FAAH2: variants seen among roughly 807,000 people sequenced by gnomAD.
The protein encoded by FAAH2 is fatty acid amide hydrolase 2.
FAAH2 carries 60 observed loss-of-function variants against 36.9 expected under a neutral mutation model. That is an observed-to-expected ratio of 1.63 (90% CI 1.32 to 2.02). FAAH2 has a LOEUF of 2.02. FAAH2 is among the 30% of genes most tolerant of loss of function. The pLI, the probability that FAAH2 is intolerant of heterozygous loss-of-function variation, is 0.00. For synonymous variants in FAAH2, 214 were observed against 143.8 expected (o/e 1.49, Z -3.49); for missense variants, 689 against 397.5 (o/e 1.73, Z -6.23).
At chrX:57,234,901 G>T in the FAAH2 span, among the ~76,000 whole-genome samples, 1 of 111,508 alleles carries the variant, frequency 9.0e-6, no homozygotes, top group African/African-American at 3.3e-5. Flanking sequence ...AACCGAGCAT[G>T]GTGGTGCACC....
chrX:57,319,816 A>G (rs2052962688), intron 3 of FAAH2, among the ~76,000 whole-genome samples: 1 of 111,980 alleles, frequency 8.9e-6, no homozygotes, highest in Admixed American at 9.5e-5. Flanking sequence ...GTGGAACCAA[A>G]ACAGAGATAT....
At chrX:57,276,425 C>T in the FAAH2 span, among the ~76,000 whole-genome samples, 15 of 111,514 alleles carry the variant, frequency 1.3e-4, no homozygotes, top group Non-Finnish European at 1.9e-4. Context: ...TTTAAAGCAG[C>T]GTGTAGAGGG....
At chrX:57,228,460 T>C in the FAAH2 span, among the ~76,000 whole-genome samples, 1 of 111,401 alleles carries the variant, frequency 9.0e-6, no homozygotes, top group East Asian at 2.8e-4. Flanking sequence ...GGGTCTCCCT[T>C]TTCCACTTCC....
chrX:57,427,677 C>T (rs1005548827), intron 7 of FAAH2, among the ~76,000 whole-genome samples: 1 of 111,249 alleles, frequency 9.0e-6, no homozygotes, highest in African/African-American at 3.3e-5. Context: ...TCCATAGATG[C>T]AGAAAAAAAT....
At chrX:57,219,863 CTTTT>C in the FAAH2 span, among the ~76,000 whole-genome samples, 4 of 35,636 alleles carry the variant, frequency 1.1e-4, no homozygotes, top group African/African-American at 3.4e-4. Flanking sequence ...AGCGCCTTGT[CTTTT>C]TTTTTTTTTT....
At chrX:57,228,913 A>T in the FAAH2 span, 2 of 109,141 alleles carry the variant, frequency 1.8e-5, no homozygotes, top group East Asian at 2.9e-4. Context: ...AACCTAAAGC[A>T]AAAAAAACAG....
At chrX:57,143,652 A>AT in the FAAH2 span, among the ~76,000 whole-genome samples, 1 of 109,974 alleles carries the variant, frequency 9.1e-6, no homozygotes, top group Non-Finnish European at 1.9e-5. Context: ...ATTTCTTTGT[A>AT]TTTTTGGTAG....
At chrX:57,416,657 A>T (rs182821344) in intron 7 of FAAH2, among the ~76,000 whole-genome samples, 1 of 111,645 alleles carries the variant, frequency 9.0e-6, no homozygotes, top group East Asian at 2.8e-4. Context: ...GCTGCCCTTA[A>T]CATTTTTTCC....
the FAAH2 span, among the ~76,000 whole-genome samples, chrX:57,254,728 A>G: frequency 2.0e-3 from 224 of 112,137 alleles, no homozygotes; most frequent in Non-Finnish European, 3.9e-3. Flanking sequence ...GAAACCAATG[A>G]GAACAAAGAC....
intron 7 of FAAH2, among the ~76,000 whole-genome samples, chrX:57,392,141 T>G (rs1369788978): frequency 8.9e-6 from 1 of 111,913 alleles, no homozygotes; most frequent in Non-Finnish European, 1.9e-5. Flanking sequence ...GAAATGCTAC[T>G]GACTTTATTT....
intron 7 of FAAH2, among the ~76,000 whole-genome samples, chrX:57,408,907 T>C (rs989297706): frequency 9.0e-6 from 1 of 111,641 alleles, no homozygotes; most frequent in African/African-American, 3.2e-5. Context: ...CCCTTAACTA[T>C]GGGATACATT....
intron 3 of FAAH2, among the ~76,000 whole-genome samples, chrX:57,330,060 G>A (rs775542134): frequency 4.5e-5 from 5 of 111,700 alleles, no homozygotes; most frequent in Non-Finnish European, 9.4e-5. Context: ...TGTAGAGCAT[G>A]TGTGTTTGAA....
chrX:57,450,608 C>A (rs1188484024), intron 10 of FAAH2, among the ~76,000 whole-genome samples: 1 of 111,125 alleles, frequency 9.0e-6, no homozygotes. Context: ...ATGTTTTATT[C>A]CTGGTTCTTT....
In FAAH2 at chrX:57,317,557, C is replaced by T. The variant is rs1253961821; in HGVS notation, c.412+6828C>T. Among the ~76,000 whole-genome samples the T allele has an allele frequency of 2.7e-5, 3 of 111,071 alleles. No homozygotes were observed. The East Asian group carries it at 8.4e-4, about 31-fold the overall frequency. ...AACAAAGAGACTTAGAGTCCTACACCATAATAGTGGGAGACTTTAACACCC... is the reference window on the plus strand; with the variant it reads ...AACAAAGAGACTTAGAGTCCTACACTATAATAGTGGGAGACTTTAACACCC... On this transcript the variant is annotated intron_variant, in intron 3 of 10. Coordinates refer to ENST00000374900, the MANE Select transcript of FAAH2 (RefSeq NM_174912.4).
the FAAH2 span, among the ~76,000 whole-genome samples, chrX:57,169,380 C>T: frequency 7.2e-5 from 7 of 97,512 alleles, no homozygotes; most frequent in Non-Finnish European, 1.5e-4. Flanking sequence ...ATATAACAAT[C>T]CTTCCTCTCT....
chrX:57,225,299 C>A, the FAAH2 span, among the ~76,000 whole-genome samples: 1 of 110,910 alleles, frequency 9.0e-6, no homozygotes, highest in Non-Finnish European at 1.9e-5. Context: ...TTCCTCTTAG[C>A]GCCTCCTTAG....
the FAAH2 span, among the ~76,000 whole-genome samples, chrX:57,238,489 G>A: frequency 9.0e-6 from 1 of 111,113 alleles, no homozygotes; most frequent in South Asian, 3.8e-4. Flanking sequence ...ACAGTGGAAG[G>A]GAGGAGGGGG....
chrX:57,445,553 T>C (rs2056656906), intron 8 of FAAH2, among the ~76,000 whole-genome samples: 1 of 111,861 alleles, frequency 8.9e-6, no homozygotes, highest in Non-Finnish European at 1.9e-5. Flanking sequence ...GGAATCCTCC[T>C]GGTACTGGGT....
the FAAH2 span, among the ~76,000 whole-genome samples, chrX:57,156,648 G>C: frequency 1.8e-5 from 2 of 112,170 alleles, no homozygotes; most frequent in African/African-American, 6.5e-5. Flanking sequence ...CATTCTCCTA[G>C]ATACACAGCC....
Sources: gnomAD v4.1 joint callset for allele counts (sites outside exome capture counted in the v4.1 genomes callset) on GRCh38, gnomAD v4.1.1 for gene constraint, MANE v1.5 for transcripts, NCBI Gene and HGNC (gene_info 2026-07-23, HGNC 2026-07-21) for gene names.